The following ROR1 variants were observed in gnomAD, a reference collection of about 807,000 sequenced individuals.
ROR1 encodes inactive tyrosine-protein kinase transmembrane receptor ROR1.
Under a neutral mutation model 78.8 loss-of-function variants are expected in ROR1, and 19 were observed. The ratio of observed to expected loss-of-function variants is 0.24; its 90% CI spans 0.17 to 0.35. The LOEUF (loss-of-function observed/expected upper bound fraction) is 0.35. Ranked by LOEUF, ROR1 falls within the 10% of genes least tolerant of loss-of-function variation. ROR1 has a pLI of 1.00. For missense variants in ROR1, 917 were observed against 1,177.8 expected, an observed-to-expected ratio of 0.78 and a Z score of 3.24; for synonymous variants, 386 against 433.6, an observed-to-expected ratio of 0.89 and a Z score of 1.36.
chr1:64,086,283 C>T (rs192628089), intron 4 of ROR1, among the ~76,000 whole-genome samples: 28 of 152,300 alleles, frequency 1.8e-4, no homozygotes, highest in Admixed American at 1.2e-3. Context: ...TTATCTATGG[C>T]GACAGAGCTA....
intron 1 of ROR1, among the ~76,000 whole-genome samples, chr1:63,823,445 C>T (rs372130620): frequency 7.5e-5 from 8 of 106,150 alleles, no homozygotes; most frequent in African/African-American, 7.5e-5. Flanking sequence ...ACAGACATTA[C>T]TTTTTTTTTT....
intron 1 of ROR1, among the ~76,000 whole-genome samples, chr1:63,867,927 T>A (rs1486482369): frequency 6.6e-6 from 1 of 152,198 alleles, no homozygotes; most frequent in Admixed American, 6.5e-5. Flanking sequence ...CTGCCGAGCA[T>A]GGCCATGTCG....
At chr1:64,011,441 C>T (rs1027896862) in intron 2 of ROR1, among the ~76,000 whole-genome samples, 2 of 152,166 alleles carry the variant, frequency 1.3e-5, no homozygotes, top group Non-Finnish European at 1.5e-5. Flanking sequence ...TATATCATTG[C>T]ACACTGCATG....
intron 4 of ROR1, among the ~76,000 whole-genome samples, chr1:64,115,612 G>GTATATATA (rs143560709): frequency 1.1e-3 from 166 of 148,716 alleles, no homozygotes; most frequent in African/African-American, 2.2e-3. Flanking sequence ...ATATATATGT[G>GTATATATA]TATATATATA....
intron 4 of ROR1, among the ~76,000 whole-genome samples, chr1:64,083,012 C>A (rs1307388708): frequency 6.6e-6 from 1 of 152,168 alleles, no homozygotes; most frequent in African/African-American, 2.4e-5. Flanking sequence ...GAAAATAGTA[C>A]AGTTCTTGAA....
At position 64,100,189 on chromosome 1, in the gene ROR1, A is replaced by T. The variant is rs543594705; in HGVS notation, c.483-37180A>T. 1.7e-3 allele frequency among the ~76,000 whole-genome samples: 254 copies of T among 152,028 alleles called. 1 individual carries two copies. The highest frequency in any genetic ancestry group is 0.01 in the Middle Eastern group (3 of 292). ...ACTTTATTGATTTGGTATTTTTTTT[A>T]AAAAAAAGTTGACCATGTGTGGTGG... On this transcript the variant is annotated intron_variant, in intron 4 of 8. Transcript: ENST00000371079.
chr1:64,175,023 AAT>A (rs1650340982), intron 8 of ROR1, among the ~76,000 whole-genome samples: 1 of 151,000 alleles, frequency 6.6e-6, no homozygotes, highest in Admixed American at 6.6e-5. Context: ...TTTTTAAAAA[AAT>A]AGTTATTTAA....
intron 1 of ROR1, among the ~76,000 whole-genome samples, chr1:63,809,138 A>T (rs1183635728): frequency 6.6e-6 from 1 of 152,172 alleles, no homozygotes; most frequent in East Asian, 1.9e-4. Flanking sequence ...GCAATCCCAT[A>T]GTTTGTAGGT....
intron 1 of ROR1, among the ~76,000 whole-genome samples, chr1:63,817,276 C>A (rs756972911): frequency 5.3e-5 from 8 of 152,106 alleles, no homozygotes; most frequent in Non-Finnish European, 1.0e-4. Context: ...GCCCCGTGGT[C>A]TCTTATCTAC....
chr1:63,928,707 C>A (rs1252672494), intron 1 of ROR1, among the ~76,000 whole-genome samples: 1 of 152,138 alleles, frequency 6.6e-6, no homozygotes, highest in Admixed American at 6.5e-5. Context: ...GACTAGCTTC[C>A]CTGTTCTCAT....
At chr1:63,914,109 A>T (rs1416886598) in intron 1 of ROR1, among the ~76,000 whole-genome samples, 1 of 152,114 alleles carries the variant, frequency 6.6e-6, no homozygotes, top group African/African-American at 2.4e-5. Flanking sequence ...TTTTAAGATT[A>T]AAAAAAATAA....
At chr1:64,150,710 A>G (rs2100721522) in intron 7 of ROR1, among the ~76,000 whole-genome samples, 1 of 152,354 alleles carries the variant, frequency 6.6e-6, no homozygotes, top group East Asian at 1.9e-4. Context: ...TTTATACTGC[A>G]GAGATTTTCA....
At chr1:63,813,041 G>C (rs1644869767) in intron 1 of ROR1, among the ~76,000 whole-genome samples, 1 of 151,376 alleles carries the variant, frequency 6.6e-6, no homozygotes, top group Non-Finnish European at 1.5e-5. Flanking sequence ...TTGGAGAGGG[G>C]TCTTCAAGAT....
chr1:63,945,420 G>A (rs1645876443), intron 1 of ROR1, among the ~76,000 whole-genome samples: 2 of 152,042 alleles, frequency 1.3e-5, no homozygotes. Context: ...TTCATTTTAT[G>A]TGGGTGCAGA....
chr1:63,840,756 G>A (rs1465465998), intron 1 of ROR1, among the ~76,000 whole-genome samples: 2 of 152,184 alleles, frequency 1.3e-5, no homozygotes, highest in Non-Finnish European at 2.9e-5. Context: ...TCTGGAGCCA[G>A]ACAGACTGGG....
chr1:64,035,676 T>C (rs1175602250), intron 2 of ROR1, among the ~76,000 whole-genome samples: 1 of 152,146 alleles, frequency 6.6e-6, no homozygotes, highest in Non-Finnish European at 1.5e-5. Context: ...GATCTTCTAC[T>C]GTGTGCATAG....
intron 1 of ROR1, among the ~76,000 whole-genome samples, chr1:63,883,039 G>T (rs777657474): frequency 2.6e-5 from 4 of 152,164 alleles, no homozygotes; most frequent in Non-Finnish European, 5.9e-5. Context: ...TTCAGCTCAG[G>T]TTCTCAATGA....
intron 4 of ROR1, among the ~76,000 whole-genome samples, chr1:64,054,818 G>A (rs1236477422): frequency 6.6e-6 from 1 of 152,152 alleles, no homozygotes; most frequent in Non-Finnish European, 1.5e-5. Context: ...GAGGCTAGAA[G>A]TATGAGATCA....
At chr1:63,968,606 C>T (rs1273257725) in intron 1 of ROR1, among the ~76,000 whole-genome samples, 1 of 152,072 alleles carries the variant, frequency 6.6e-6, no homozygotes, top group Non-Finnish European at 1.5e-5. Context: ...GTGGGAAATA[C>T]CTTGACAGAA....
Sources: gnomAD v4.1 joint callset for allele counts (sites outside exome capture counted in the v4.1 genomes callset) on GRCh38, gnomAD v4.1.1 for gene constraint, MANE v1.5 for transcripts, NCBI Gene and HGNC (gene_info 2026-07-23, HGNC 2026-07-21) for gene names.